The following CDKAL1 variants were observed in gnomAD, a reference collection of about 807,000 sequenced individuals.
CDKAL1 encodes threonylcarbamoyladenosine tRNA methylthiotransferase.
In CDKAL1, 32 loss-of-function variants were observed where a neutral mutation model predicts 68.2. The ratio of observed to expected loss-of-function variants is 0.47; its 90% CI spans 0.35 to 0.63. The LOEUF is 0.63. Ranked by LOEUF, CDKAL1 falls within the 30% of genes least tolerant of loss-of-function variation. The pLI, the probability that CDKAL1 is intolerant of heterozygous loss-of-function variation, is 0.00. For synonymous variants in CDKAL1, 234 were observed against 244.3 expected (o/e 0.96, Z 0.39); for missense variants, 606 against 696.7 (o/e 0.87, Z 1.47).
chr6:20,702,634 C>T lies in CDKAL1; in HGVS notation c.372-36885C>T, dbSNP rs187575607. On this transcript the variant is annotated intron_variant, in intron 5 of 15. Transcript: ENST00000274695. ...GGTGTCTGTTGTGTGCCCCTCTGGA[C>T]GTCCTCTCGATATCCAGCCACCTGT... Among the ~76,000 whole-genome samples, 7 of 152,208 alleles carry T rather than the reference C, an allele frequency of 4.6e-5. No individual in the cohort carries two copies. In the South Asian group the frequency reaches 8.3e-4, roughly 18 times the overall value.
chr6:20,598,595 A>G (rs1040125991), intron 4 of CDKAL1, among the ~76,000 whole-genome samples: 11 of 152,212 alleles, frequency 7.2e-5, no homozygotes, highest in Non-Finnish European at 1.5e-4. Context: ...CTATTGAGAG[A>G]TATCTATTGT....
chr6:20,700,368 A>AT (rs1205108936), intron 5 of CDKAL1, among the ~76,000 whole-genome samples: 2 of 151,336 alleles, frequency 1.3e-5, no homozygotes, highest in East Asian at 1.9e-4. Flanking sequence ...AAAAAAAAAA[A>AT]AAAATAAATA....
intron 4 of CDKAL1, among the ~76,000 whole-genome samples, chr6:20,589,138 T>C (rs1456635551): frequency 6.6e-6 from 1 of 152,156 alleles, no homozygotes; most frequent in African/African-American, 2.4e-5. Flanking sequence ...TTTATTTGCC[T>C]TTTGTTATCA....
chr6:20,921,183 C>T (rs1762938455), intron 9 of CDKAL1, among the ~76,000 whole-genome samples: 1 of 152,144 alleles, frequency 6.6e-6, no homozygotes, highest in Non-Finnish European at 1.5e-5. Flanking sequence ...GTAATCTCAG[C>T]ACTTTGGGAG....
intron 4 of CDKAL1, chr6:20,558,471 T>C: frequency 2.2e-6 from 1 of 455,316 alleles, no homozygotes; most frequent in Non-Finnish European, 4.4e-6. Flanking sequence ...GTCTGTATGA[T>C]AAACAACTGG....
At chr6:21,090,805 C>CTTTTT (rs67647227) in intron 12 of CDKAL1, among the ~76,000 whole-genome samples, 1 of 132,614 alleles carries the variant, frequency 7.5e-6, no homozygotes. Context: ...TTTCTTTTTT[C>CTTTTT]TTTTTTTTTT....
intron 13 of CDKAL1, among the ~76,000 whole-genome samples, chr6:21,177,934 AT>A (rs1161959810): frequency 1.3e-5 from 2 of 152,174 alleles, no homozygotes; most frequent in Non-Finnish European, 2.9e-5. Context: ...TTAGTTAATA[AT>A]TTTATATATG....
intron 9 of CDKAL1, among the ~76,000 whole-genome samples, chr6:20,900,201 A>C (rs982870869): frequency 6.6e-6 from 1 of 152,206 alleles, no homozygotes; most frequent in African/African-American, 2.4e-5. Flanking sequence ...CATAGATGCT[A>C]CCTTAGACAT....
At chr6:21,017,987 T>C (rs192821837) in intron 11 of CDKAL1, among the ~76,000 whole-genome samples, 16 of 152,300 alleles carry the variant, frequency 1.1e-4, no homozygotes, top group Non-Finnish European at 1.9e-4. Flanking sequence ...AAAAATAATA[T>C]TGTGTTACAA....
At chr6:21,003,371 T>TATACACACACACACACACACACACAC in intron 11 of CDKAL1, among the ~76,000 whole-genome samples, 3 of 49,302 alleles carry the variant, frequency 6.1e-5, no homozygotes, top group African/African-American at 3.3e-4. Context: ...TATATATATA[T>TATACACACACACACACACACACACAC]ACACACACAC....
At chr6:20,753,981 G>C (rs1561747545) in intron 6 of CDKAL1, among the ~76,000 whole-genome samples, 1 of 151,884 alleles carries the variant, frequency 6.6e-6, no homozygotes, top group African/African-American at 2.4e-5. Flanking sequence ...GTGTGTGTGT[G>C]TGTGTGTGTA....
chr6:20,596,232 A>C (rs930473937), intron 4 of CDKAL1, among the ~76,000 whole-genome samples: 7 of 152,078 alleles, frequency 4.6e-5, no homozygotes, highest in African/African-American at 1.7e-4. Context: ...GGCAGGCAGG[A>C]ATGTTTAAGT....
intron 4 of CDKAL1, among the ~76,000 whole-genome samples, chr6:20,580,853 G>A (rs997332196): frequency 1.3e-5 from 2 of 151,582 alleles, no homozygotes; most frequent in Non-Finnish European, 2.9e-5. Context: ...GCAATGGTGC[G>A]ATCTCGGCTT....
At chr6:20,791,130 G>A (rs1168644767) in intron 8 of CDKAL1, among the ~76,000 whole-genome samples, 1 of 152,146 alleles carries the variant, frequency 6.6e-6, no homozygotes, top group African/African-American at 2.4e-5. Flanking sequence ...CTCTGCCTAG[G>A]CATTTGTCTG....
At chr6:21,094,123 T>C (rs1773200030) in intron 12 of CDKAL1, among the ~76,000 whole-genome samples, 1 of 152,106 alleles carries the variant, frequency 6.6e-6, no homozygotes, top group Non-Finnish European at 1.5e-5. Context: ...AAAATCTGAA[T>C]AGCATGTGTA....
intron 5 of CDKAL1, among the ~76,000 whole-genome samples, chr6:20,676,700 A>T (rs1770127169): frequency 7.0e-6 from 1 of 143,836 alleles, no homozygotes; most frequent in South Asian, 2.1e-4. Flanking sequence ...TAAATAAATA[A>T]ATAAAATAAA....
intron 9 of CDKAL1, among the ~76,000 whole-genome samples, chr6:20,871,921 C>T (rs1487660914): frequency 6.6e-6 from 1 of 152,096 alleles, no homozygotes; most frequent in Non-Finnish European, 1.5e-5. Context: ...TACCTGTGAA[C>T]AAGGAATGCT....
chr6:20,970,931 C>T (rs1765564695), intron 10 of CDKAL1, among the ~76,000 whole-genome samples: 1 of 152,206 alleles, frequency 6.6e-6, no homozygotes, highest in African/African-American at 2.4e-5. Context: ...TCACTGCAAC[C>T]TCTGCCTCCC....
intron 13 of CDKAL1, among the ~76,000 whole-genome samples, chr6:21,146,988 G>C (rs1372343679): frequency 6.6e-6 from 1 of 151,602 alleles, no homozygotes; most frequent in Non-Finnish European, 1.5e-5. Context: ...TACATTTTTG[G>C]AAGCCTGCAC....
Sources: gnomAD v4.1 joint callset for allele counts (sites outside exome capture counted in the v4.1 genomes callset) on GRCh38, gnomAD v4.1.1 for gene constraint, MANE v1.5 for transcripts, NCBI Gene and HGNC (gene_info 2026-07-23, HGNC 2026-07-21) for gene names.